The following RERE variants were observed in gnomAD, a reference collection of about 807,000 sequenced individuals.
RERE encodes the protein arginine-glutamic acid dipeptide repeats.
Under a neutral mutation model 146.1 loss-of-function variants are expected in RERE, and 40 were observed. The ratio of observed to expected loss-of-function variants is 0.27; its 90% CI spans 0.21 to 0.36. The LOEUF (loss-of-function observed/expected upper bound fraction) is 0.36, where lower values mean the gene tolerates loss of function less well. Ranked by LOEUF, RERE falls within the 10% of genes least tolerant of loss-of-function variation. The pLI, the probability that RERE is intolerant of heterozygous loss-of-function variation, is 1.00. For missense variants in RERE, 1,933 were observed against 2,138.7 expected (o/e 0.90, Z 1.90); for synonymous variants, 1,003 against 866.0 (o/e 1.16, Z -2.78).
At chr1:8,482,905 T>A (rs2124187699) in intron 10 of RERE, among the ~76,000 whole-genome samples, 1 of 152,236 alleles carries the variant, frequency 6.6e-6, no homozygotes, top group South Asian at 2.1e-4. Context: ...ATTATTATGC[T>A]AATAATCAGC....
At chr1:8,782,532 ACTCTTACAC>A (rs1180325713) in intron 1 of RERE, among the ~76,000 whole-genome samples, 1 of 151,972 alleles carries the variant, frequency 6.6e-6, no homozygotes, top group African/African-American at 2.4e-5. Flanking sequence ...TGAATTCCAG[ACTCTTACAC>A]CATCTTAAAA....
At chr1:8,658,522 C>A (rs551504950) in intron 1 of RERE, among the ~76,000 whole-genome samples, 3 of 152,066 alleles carry the variant, frequency 2.0e-5, no homozygotes, top group Non-Finnish European at 4.4e-5. Flanking sequence ...CTTTGGGAGG[C>A]CGAGGTGGGC....
At chr1:8,369,928 T>C (rs1641971016) in intron 12 of RERE, among the ~76,000 whole-genome samples, 1 of 152,120 alleles carries the variant, frequency 6.6e-6, no homozygotes, top group Admixed American at 6.5e-5. Flanking sequence ...TAGCTGGGAC[T>C]ACAGGAGCCC....
intron 4 of RERE, among the ~76,000 whole-genome samples, chr1:8,566,058 C>T (rs12405049): frequency 0.16 from 24,949 of 152,220 alleles, 2,358 homozygotes; most frequent in Middle Eastern, 0.29. Flanking sequence ...AGTGAGGCCT[C>T]GCAAGTAAAT....
In RERE at chr1:8,808,470, T is replaced by C. The variant is rs187687144; in HGVS notation, c.-145+8690A>G. On this transcript the variant is annotated intron_variant, in intron 1 of 22. Transcript: ENST00000400908. ...AATAATAAAAAGAGGCTGATATTTA[T>C]TGACCATTTACTATGTGCCAGGGAC... Among the ~76,000 whole-genome samples, 5 of 152,324 alleles carry C rather than the reference T, an allele frequency of 3.3e-5. No homozygotes were observed. The East Asian group carries it at 9.6e-4, about 29-fold the overall frequency.
intron 1 of RERE, among the ~76,000 whole-genome samples, chr1:8,684,814 T>C (rs375836794): frequency 6.7e-6 from 1 of 149,064 alleles, no homozygotes; most frequent in East Asian, 2.0e-4. Flanking sequence ...ATACCAGCAA[T>C]GGGTGGGAAA....
intron 11 of RERE, among the ~76,000 whole-genome samples, chr1:8,435,746 A>T (rs1644161071): frequency 6.6e-6 from 1 of 152,238 alleles, no homozygotes; most frequent in African/African-American, 2.4e-5. Flanking sequence ...TTTAAACAGC[A>T]ACTGCACCCA....
intron 11 of RERE, among the ~76,000 whole-genome samples, chr1:8,437,438 T>C (rs1254560292): frequency 6.6e-6 from 1 of 152,150 alleles, no homozygotes; most frequent in Admixed American, 6.5e-5. Flanking sequence ...ATCATTGTTT[T>C]TTTTTTCTAT....
chr1:8,472,641 G>A (rs1644703306), intron 10 of RERE, among the ~76,000 whole-genome samples: 1 of 152,160 alleles, frequency 6.6e-6, no homozygotes, highest in South Asian at 2.1e-4. Context: ...GTAGAGTATA[G>A]AGAACTGTAC....
Position 8,423,662 on chromosome 1 carries a change from G to A in RERE, c.1204-855C>T. 3 of 984,456 alleles carry A rather than the reference G, an allele frequency of 3.0e-6. No individual in the cohort carries two copies. Among genetic ancestry groups the A allele is most frequent in the Non-Finnish European group, 2.4e-6 (2 of 829,694 alleles). 61.0% of individuals were successfully genotyped at this position (984,456 alleles called of 1,614,324 possible). A position where few individuals can be genotyped will look rare whatever the true frequency, so the allele number is the denominator to read the frequency against. On this transcript the variant is annotated intron_variant, in intron 11 of 22. Transcript: ENST00000400908. The surrounding 1 kb of genome is among the most constrained non-coding windows in gnomAD (Gnocchi z 5.4). ...AGGCCGTCGCCTGTCACTGGGCTCCGGCTCCACAAAGCGCAGGGCGGAGGC... is the reference window on the plus strand; with the variant it reads ...AGGCCGTCGCCTGTCACTGGGCTCCAGCTCCACAAAGCGCAGGGCGGAGGC...
chr1:8,365,515 C>T (rs1641770952), intron 13 of RERE, among the ~76,000 whole-genome samples: 1 of 152,170 alleles, frequency 6.6e-6, no homozygotes, highest in African/African-American at 2.4e-5. Context: ...CAGGACAAGG[C>T]CAAAAACATC....
chr1:8,736,461 C>G (rs968166978), intron 1 of RERE, among the ~76,000 whole-genome samples: 1 of 152,150 alleles, frequency 6.6e-6, no homozygotes, highest in Non-Finnish European at 1.5e-5. Context: ...CCCACCTCGG[C>G]CTCCCAAAGT....
chr1:8,658,703 G>A (rs1272202357), intron 1 of RERE, among the ~76,000 whole-genome samples: 2 of 151,570 alleles, frequency 1.3e-5, no homozygotes, highest in African/African-American at 2.4e-5. Flanking sequence ...GTTGCAGTGA[G>A]CTGAGATCGT....
intron 1 of RERE, among the ~76,000 whole-genome samples, chr1:8,683,802 C>A (rs980281300): frequency 6.6e-6 from 1 of 151,950 alleles, no homozygotes; most frequent in South Asian, 2.1e-4. Flanking sequence ...ATAAGCCGGG[C>A]AGGGTGGGGC....
intron 1 of RERE, among the ~76,000 whole-genome samples, chr1:8,663,961 C>T (rs543348469): frequency 9.9e-5 from 15 of 152,276 alleles, no homozygotes; most frequent in African/African-American, 3.4e-4. Flanking sequence ...GGAGGCCTCC[C>T]AGACCTACCC....
chr1:8,706,749 G>A (rs1639568425), intron 1 of RERE, among the ~76,000 whole-genome samples: 1 of 152,026 alleles, frequency 6.6e-6, no homozygotes, highest in South Asian at 2.1e-4. Flanking sequence ...GGAAGCCTTC[G>A]AAAGAGCTCT....
intron 9 of RERE, among the ~76,000 whole-genome samples, chr1:8,496,823 C>G (rs1454110806): frequency 6.6e-6 from 1 of 152,206 alleles, no homozygotes; most frequent in Non-Finnish European, 1.5e-5. Context: ...AGGACAGGCA[C>G]TAATGAACAG....
At chr1:8,800,902 T>C (rs1569826715) in intron 1 of RERE, among the ~76,000 whole-genome samples, 1 of 151,924 alleles carries the variant, frequency 6.6e-6, no homozygotes, top group South Asian at 2.1e-4. Context: ...GAGCCGCAGG[T>C]TGCAGTGAGC....
chr1:8,607,794 C>T (rs145733184), intron 4 of RERE, among the ~76,000 whole-genome samples: 1,587 of 139,610 alleles, frequency 0.011, 31 homozygotes, highest in African/African-American at 0.041. Context: ...GGTGTGATCT[C>T]GGCTCACTGG....
Sources: gnomAD v4.1 joint callset for allele counts (sites outside exome capture counted in the v4.1 genomes callset) on GRCh38, gnomAD v4.1.1 for gene constraint, Gnocchi (gnomAD v3.1) non-coding constraint, MANE v1.5 for transcripts, NCBI Gene and HGNC (gene_info 2026-07-23, HGNC 2026-07-21) for gene names.